Variants in LCAT observed in about 807,000 individuals in gnomAD.
LCAT encodes the protein lecithin-cholesterol acyltransferase, also known as phosphatidylcholine-sterol acyltransferase.
In LCAT, 15 loss-of-function variants were observed where a neutral mutation model predicts 41.0. That is an observed-to-expected ratio of 0.37 (90% CI 0.24 to 0.56). LCAT has a LOEUF of 0.56. LCAT is among the 20% of genes least tolerant of loss of function. The probability of loss-of-function intolerance (pLI) is 0.81; values close to 1 mark genes in which losing one functional copy is unlikely to be tolerated. For synonymous variants in LCAT, 248 were observed against 245.4 expected (o/e 1.01, Z -0.10); for missense variants, 449 against 595.1 (o/e 0.75, Z 2.55).
intron 5 of LCAT, chr16:67,940,729 T>A (rs2058287228): frequency 1.8e-6 from 1 of 565,660 alleles, no homozygotes; most frequent in Non-Finnish European, 3.0e-6. Flanking sequence ...ACAGGCACCA[T>A]GGCTCACCCC....
At position 67,943,722 on chromosome 16, in the gene LCAT, C is replaced by G. The variant is rs2058308354; in HGVS notation, c.154+226G>C. ...CCAAGACCTCAGGCACACCCCGTCC[C>G]CCACTCCGCCCCCCCTGGGTTAGAC... On this transcript the variant is annotated intron_variant, in intron 1 of 5. Coordinates refer to ENST00000264005, the MANE Select transcript of LCAT (RefSeq NM_000229.2). This position sits in a 1 kb window ranked among gnomAD's most constrained non-coding sequence, Gnocchi z 4.6. 2 of 571,622 alleles carry G rather than the reference C, an allele frequency of 3.5e-6. No homozygotes were observed. The highest frequency in any genetic ancestry group is 5.7e-5 in the East Asian group (2 of 34,826). The allele number at this position is 571,622 out of a possible 1,614,324, so 35.4% of individuals were successfully genotyped here.
intron 5 of LCAT, 124 bp from the exon 6 acceptor site, chr16:67,940,602 A>G: frequency 6.8e-7 from 1 of 1,480,536 alleles, no homozygotes; most frequent in Non-Finnish European, 9.1e-7. Flanking sequence ...ACAGACTCTA[A>G]GCCACAGGCT....
chr16:67,941,538 T>C (rs1286782395), intron 5 of LCAT: 3 of 684,036 alleles, frequency 4.4e-6, no homozygotes, highest in African/African-American at 2.0e-5. Flanking sequence ...GGAGGATTGC[T>C]TGGGCCAGGG....
rs2058307786 is a variant in LCAT at position 67,943,681 on chromosome 16, G to A, written c.154+267C>T. 3.7e-6 allele frequency: 2 copies of A among 539,958 alleles called. No homozygotes were observed. The highest frequency in any genetic ancestry group is 6.6e-6 in the Non-Finnish European group (2 of 302,270). 33.4% of individuals were successfully genotyped at this position (539,958 alleles called of 1,614,324 possible). ...TCTGGTGTGGCTGTGACTGACCACA[G>A]CTTGTGATGCCCCAGCCAAGACCTC... is the stretch of plus-strand genomic sequence containing the variant. On this transcript the variant is annotated intron_variant, in intron 1 of 5. Transcript: ENST00000264005. This position sits in a 1 kb window ranked among gnomAD's most constrained non-coding sequence, Gnocchi z 4.6.
At chr16:67,941,629 A>T in intron 5 of LCAT, 1 of 984,954 alleles carries the variant, frequency 1.0e-6, no homozygotes. Flanking sequence ...AGAAAAAAAA[A>T]AGTAGGCGGG....
chr16:67,941,607 CCT>C lies in LCAT; in HGVS notation c.748+754_748+755del, dbSNP rs2058290933. ...ACTCCAGCCTGGGCGACAGAATGAC[CCT>C]GTCTGAAAAAGAAAAAAAAAAGTAG... On this transcript the variant is annotated intron_variant, in intron 5 of 5. Coordinates refer to ENST00000264005, the MANE Select transcript of LCAT (RefSeq NM_000229.2). 4.1e-6 allele frequency: 4 copies of C among 982,954 alleles called. No homozygotes were observed. In the South Asian group the frequency reaches 1.4e-4, roughly 35 times the overall value. 60.9% of individuals were successfully genotyped at this position (982,954 alleles called of 1,614,324 possible).
In LCAT at chr16:67,942,285, A is replaced by C; in HGVS notation, c.748+78T>G. 2 of 1,480,938 alleles carry C rather than the reference A, an allele frequency of 1.4e-6. No homozygotes were observed. The highest frequency in any genetic ancestry group is 9.4e-7 in the Non-Finnish European group (1 of 1,068,812). 91.7% of individuals were successfully genotyped at this position (1,480,938 alleles called of 1,614,324 possible). A position where few individuals can be genotyped will look rare whatever the true frequency, so the allele number is the denominator to read the frequency against. ...AGCACCCCTAGAGGCCACTGTGAGC[A>C]GGAGCCGCAATGAAGGCAGGCCCAG... On this transcript the variant is annotated intron_variant, in intron 5 of 5. Transcript: ENST00000264005. This position sits in a 1 kb window ranked among gnomAD's most constrained non-coding sequence, Gnocchi z 6.6.
In LCAT at chr16:67,941,784, G is replaced by T. The variant is rs1598203337; in HGVS notation, c.748+579C>A. ...ATGCAGCAATGGGGGCCACAGAGTTGTGCTCCAGAAAGGGGGAAACAAGAT... is the reference window on the plus strand; with the variant it reads ...ATGCAGCAATGGGGGCCACAGAGTTTTGCTCCAGAAAGGGGGAAACAAGAT... On this transcript the variant is annotated intron_variant, in intron 5 of 5. Transcript: ENST00000264005. 2.9e-6 allele frequency: 3 copies of T among 1,026,382 alleles called. No individual in the cohort carries two copies. The East Asian group carries it at 2.5e-4, about 86-fold the overall frequency. 63.6% of individuals were successfully genotyped at this position (1,026,382 alleles called of 1,614,324 possible). A position where few individuals can be genotyped will look rare whatever the true frequency, so the allele number is the denominator to read the frequency against.
Position 67,940,386 on chromosome 16 carries a change from T to C in LCAT, c.841A>G (p.Met281Val), listed in dbSNP as rs752637398. 6 of 1,613,972 alleles carry C rather than the reference T, an allele frequency of 3.7e-6. No homozygotes were observed. The East Asian group carries it at 8.9e-5, about 24-fold the overall frequency. The part of the protein sequence containing the change: ...TTSPWMFPSR[M>V]AWPEDHVFIS... Reference sequence around the variant, plus strand: ...AACACGTGGTCCTCAGGCCACGCCATGCGAGAGGGAAACATCCAGGGGGAG... The same window carrying C: ...AACACGTGGTCCTCAGGCCACGCCACGCGAGAGGGAAACATCCAGGGGGAG... The change falls in exon 6 of 6, where the codon ATG becomes GTG. Residue 281 changes from methionine to valine, a missense_variant. By Grantham distance (21) the Met-to-Val change is conservative. Coordinates refer to ENST00000264005, the MANE Select transcript of LCAT (RefSeq NM_000229.2).
In LCAT at chr16:67,943,211, C is replaced by G; in HGVS notation, c.156G>C (p.Val52=). ...LSNHTRPVIL[V]PGCLGNQLEA... is the part of the protein sequence containing the mutation. ...CTAGCTGATTCCCCAGGCAGCCGGG[C>G]ACTGTGAGCAGCAGCCCTCACTCTG... Residue 52 remains valine, a splice_region_variant and synonymous_variant, in exon 2 of 6, where the codon GTG becomes GTC. Coordinates refer to ENST00000264005, the MANE Select transcript of LCAT (RefSeq NM_000229.2). The surrounding 1 kb of genome is among the most constrained non-coding windows in gnomAD (Gnocchi z 4.6). The G allele has an allele frequency of 6.2e-7, 1 of 1,612,826 alleles. No homozygotes were observed. Among genetic ancestry groups the G allele is most frequent in the Non-Finnish European group, 8.5e-7 (1 of 1,179,940 alleles).
At position 67,943,203 on chromosome 16, in the gene LCAT, C is replaced by T; in HGVS notation, c.164G>A (p.Cys55Tyr). ...HTRPVILVPG[C>Y]LGNQLEAKLD... Reference sequence around the variant, plus strand: ...CTTGGCTTCTAGCTGATTCCCCAGGCAGCCGGGCACTGTGAGCAGCAGCCC... The same window carrying T: ...CTTGGCTTCTAGCTGATTCCCCAGGTAGCCGGGCACTGTGAGCAGCAGCCC... The change falls in exon 2 of 6, where the codon TGC (cysteine) becomes TAC (tyrosine). Residue 55 changes from cysteine to tyrosine, a missense_variant. By Grantham distance (194) the Cys-to-Tyr change is radical. Coordinates refer to ENST00000264005, the MANE Select transcript of LCAT (RefSeq NM_000229.2). The surrounding 1 kb of genome is among the most constrained non-coding windows in gnomAD (Gnocchi z 4.6). 6.2e-7 allele frequency: 1 copy of T among 1,613,150 alleles called. No individual in the cohort carries two copies. The highest frequency in any genetic ancestry group is 1.1e-5 in the South Asian group (1 of 91,062).
At position 67,943,026 on chromosome 16, in the gene LCAT, T is replaced by C; in HGVS notation, c.311+30A>G. ...CAGCCAGTAGCCAAGGGGCAGCGTG[T>C]TGGGGCTAGGGTGGAGCACATGGCT... On this transcript the variant is annotated intron_variant, in intron 2 of 5. Coordinates refer to ENST00000264005, the MANE Select transcript of LCAT (RefSeq NM_000229.2). The surrounding 1 kb of genome is among the most constrained non-coding windows in gnomAD (Gnocchi z 4.6). 1 of 1,613,794 alleles carries C rather than the reference T, an allele frequency of 6.2e-7. No homozygotes were observed. Among genetic ancestry groups the C allele is most frequent in the African/African-American group, 1.3e-5 (1 of 75,016 alleles).
chr16:67,940,692 C>T, intron 5 of LCAT: 1 of 796,754 alleles, frequency 1.3e-6, no homozygotes, highest in Non-Finnish European at 1.9e-6. Context: ...TTGGGTGGAG[C>T]TGTAGGGCTT....
chr16:67,943,364 C>T lies in LCAT; in HGVS notation c.155-152G>A. 1 of 724,642 alleles carries T rather than the reference C, an allele frequency of 1.4e-6. No individual in the cohort carries two copies. Among genetic ancestry groups the T allele is most frequent in the South Asian group, 1.6e-5 (1 of 62,886 alleles). The allele number at this position is 724,642 out of a possible 1,614,324, so 44.9% of individuals were successfully genotyped here. On this transcript the variant is annotated intron_variant, in intron 1 of 5. Coordinates refer to ENST00000264005, the MANE Select transcript of LCAT (RefSeq NM_000229.2). The surrounding 1 kb of genome is among the most constrained non-coding windows in gnomAD (Gnocchi z 4.6). ...ACACTTACCCTCCCCTGCTTACACC[C>T]CCTCTCCCTGCTGTCCCCCCAGTAG...
rs540334482 is a variant in LCAT, at chr16:67,943,388, A to G, written c.155-176T>C. The G allele has an allele frequency of 5.7e-4, 371 of 650,104 alleles. 2 individuals carry two copies. The highest frequency in any genetic ancestry group is 5.6e-3 in the African/African-American group (314 of 55,926). 40.3% of individuals were successfully genotyped at this position (650,104 alleles called of 1,614,324 possible). A position where few individuals can be genotyped will look rare whatever the true frequency, so the allele number is the denominator to read the frequency against. Reference sequence around the variant, plus strand: ...CCCCTCTCCCTGCTGTCCCCCCAGTAGCCAAAGCCCAGGCTTCCCTGAGGA... The same window carrying G: ...CCCCTCTCCCTGCTGTCCCCCCAGTGGCCAAAGCCCAGGCTTCCCTGAGGA... On this transcript the variant is annotated intron_variant, in intron 1 of 5. Coordinates refer to ENST00000264005, the MANE Select transcript of LCAT (RefSeq NM_000229.2). This position sits in a 1 kb window ranked among gnomAD's most constrained non-coding sequence, Gnocchi z 4.6.
Position 67,943,202 on chromosome 16 carries a change from G to A in LCAT, c.165C>T (p.Cys55=). The A allele has an allele frequency of 6.2e-7, 1 of 1,613,080 alleles. No individual in the cohort carries two copies. Among genetic ancestry groups the A allele is most frequent in the Admixed American group, 1.7e-5 (1 of 60,004 alleles). ...GCTTGGCTTCTAGCTGATTCCCCAG[G>A]CAGCCGGGCACTGTGAGCAGCAGCC... ...HTRPVILVPG[C]LGNQLEAKLD... is the part of the protein sequence containing the mutation. The change falls in exon 2 of 6, where the codon TGC becomes TGT. Residue 55 remains cysteine (C), a synonymous_variant. Coordinates refer to ENST00000264005, the MANE Select transcript of LCAT (RefSeq NM_000229.2). This position sits in a 1 kb window ranked among gnomAD's most constrained non-coding sequence, Gnocchi z 4.6.
chr16:67,943,265 C>T lies in LCAT; in HGVS notation c.155-53G>A. 3.8e-6 allele frequency: 6 copies of T among 1,589,908 alleles called. No individual in the cohort carries two copies. The highest frequency in any genetic ancestry group is 5.2e-6 in the Non-Finnish European group (6 of 1,164,832). ...TCTGGATTCCCCCCGTGACCCTTAC[C>T]CCCGTCACCCCAGATGCTGCAGTGA... On this transcript the variant is annotated intron_variant, in intron 1 of 5. Coordinates refer to ENST00000264005, the MANE Select transcript of LCAT (RefSeq NM_000229.2). This position sits in a 1 kb window ranked among gnomAD's most constrained non-coding sequence, Gnocchi z 4.6.
chr16:67,941,731 A>C (rs1327644389), intron 5 of LCAT: 2 of 996,662 alleles, frequency 2.0e-6, no homozygotes, highest in Admixed American at 1.1e-4. Context: ...TCCCTCGGGC[A>C]TGTGTCTTTC....
chr16:67,942,025 C>A lies in LCAT; in HGVS notation c.748+338G>T. On this transcript the variant is annotated intron_variant, in intron 5 of 5. Transcript: ENST00000264005. The surrounding 1 kb of genome is among the most constrained non-coding windows in gnomAD (Gnocchi z 6.6). ...CAGATCCATCCTCAGTGAAGCACAT[C>A]CCTGGGCAAAGGCACTCCTGCGAGC... The A allele has an allele frequency of 8.1e-7, 1 of 1,234,974 alleles. No homozygotes were observed. The allele number at this position is 1,234,974 out of a possible 1,614,324, so 76.5% of individuals were successfully genotyped here.
Sources: allele counts gnomAD v4.1 joint callset, GRCh38; gene constraint gnomAD v4.1.1; non-coding constraint Gnocchi (gnomAD v3.1); transcripts MANE v1.5; gene names NCBI Gene and HGNC (gene_info 2026-07-23, HGNC 2026-07-21).